The following NPY2R variants were observed in gnomAD, a reference collection of about 807,000 sequenced individuals.
The protein encoded by NPY2R is neuropeptide Y receptor type 2.
NPY2R carries 17 observed loss-of-function variants against 22.3 expected under a neutral mutation model. That is an observed-to-expected ratio of 0.76 (90% CI 0.52 to 1.14). The LOEUF (loss-of-function observed/expected upper bound fraction) is 1.14, where lower values mean the gene tolerates loss of function less well. Ranked by LOEUF, NPY2R falls within the 50% of genes most tolerant of loss-of-function variation. The pLI is 0.00. For synonymous variants in NPY2R, 209 were observed against 183.4 expected (o/e 1.14, Z -1.13); for missense variants, 424 against 467.9 (o/e 0.91, Z 0.87).
At chr4:155,193,133 T>C in the NPY2R span, among the ~76,000 whole-genome samples, 1 of 151,922 alleles carries the variant, frequency 6.6e-6, no homozygotes, top group Non-Finnish European at 1.5e-5. Flanking sequence ...ATAGCCAATA[T>C]TTTTTGAGAG....
At position 155,215,148 on chromosome 4, in the gene NPY2R, C is replaced by A. The variant is rs553777923; in HGVS notation, c.*63C>A. ...CCAGAGCTATGAATCTGGTTGATGG[C>A]GGCTCACAAGTGAAAACTGATTTCC... On this transcript the variant is annotated 3_prime_UTR_variant, in exon 2 of 2. Coordinates refer to ENST00000329476, the MANE Select transcript of NPY2R (RefSeq NM_000910.4). 13 of 1,443,854 alleles carry A rather than the reference C, an allele frequency of 9.0e-6. No individual in the cohort carries two copies. In the African/African-American group the frequency reaches 1.3e-4, roughly 14 times the overall value. The allele number at this position is 1,443,854 out of a possible 1,614,324, so 89.4% of individuals were successfully genotyped here. A position where few individuals can be genotyped will look rare whatever the true frequency, so the allele number is the denominator to read the frequency against.
At chr4:155,199,744 C>T in the NPY2R span, among the ~76,000 whole-genome samples, 2 of 151,994 alleles carry the variant, frequency 1.3e-5, no homozygotes, top group Non-Finnish European at 2.9e-5. Context: ...TGGACAAAAA[C>T]AAGCTATGGG....
the NPY2R span, among the ~76,000 whole-genome samples, chr4:155,196,273 T>G: frequency 3.3e-5 from 5 of 152,064 alleles, no homozygotes; most frequent in East Asian, 9.7e-4. Flanking sequence ...ATGAATTACC[T>G]TAGAGGCTTT....
chr4:155,213,688 C>A (rs112509723), intron 1 of NPY2R, among the ~76,000 whole-genome samples: 2 of 152,172 alleles, frequency 1.3e-5, no homozygotes, highest in African/African-American at 4.8e-5. Flanking sequence ...TTTAATTGAT[C>A]CATATTTGAC....
chr4:155,187,551 T>TGAGA, the NPY2R span, among the ~76,000 whole-genome samples: 9 of 149,498 alleles, frequency 6.0e-5, no homozygotes, highest in East Asian at 2.0e-4. Flanking sequence ...AGGAGCAGCG[T>TGAGA]GAGAGAGAGA....
At chr4:155,197,905 T>C in the NPY2R span, among the ~76,000 whole-genome samples, 2 of 151,820 alleles carry the variant, frequency 1.3e-5, no homozygotes, top group Non-Finnish European at 2.9e-5. Flanking sequence ...TACATACTAA[T>C]GAGATATATG....
intron 1 of NPY2R, among the ~76,000 whole-genome samples, chr4:155,212,586 C>T (rs1729428312): frequency 6.6e-6 from 1 of 152,022 alleles, no homozygotes; most frequent in South Asian, 2.1e-4. Context: ...CCACCCCTGG[C>T]ATTGAGTAGA....
chr4:155,190,411 T>C, the NPY2R span, among the ~76,000 whole-genome samples: 1 of 151,910 alleles, frequency 6.6e-6, no homozygotes, highest in Non-Finnish European at 1.5e-5. Context: ...AAATAAATGA[T>C]CAACCACTCA....
chr4:155,206,069 T>G (rs1346381851), upstream of NPY2R, among the ~76,000 whole-genome samples: 1 of 152,200 alleles, frequency 6.6e-6, no homozygotes. Context: ...TTTTGTGCTC[T>G]TCAAGGTGTT....
Position 155,216,355 on chromosome 4 carries a change from T to G in NPY2R, c.*1270T>G, listed in dbSNP as rs1474463090. On this transcript the variant is annotated 3_prime_UTR_variant, in exon 2 of 2. Coordinates refer to ENST00000329476, the MANE Select transcript of NPY2R (RefSeq NM_000910.4). ...TTATTTAATTATATTATGAATAAAATTGTTATTTCAATAGTACCCAACCAA... is the reference window on the plus strand; with the variant it reads ...TTATTTAATTATATTATGAATAAAAGTGTTATTTCAATAGTACCCAACCAA... The G allele has an allele frequency of 6.0e-6, 1 of 166,752 alleles. No individual in the cohort carries two copies. Among genetic ancestry groups the G allele is most frequent in the Non-Finnish European group, 1.5e-5 (1 of 68,032 alleles). The allele number at this position is 166,752 out of a possible 1,614,324, so 10.3% of individuals were successfully genotyped here.
Position 155,217,018 on chromosome 4 carries a change from T to C in NPY2R, c.*1933T>C, listed in dbSNP as rs1417756852. ...TTATCCAATTCATTATGTCAATTCATTAATAAAATACCTTTTATGTAGAGG... is the reference window on the plus strand; with the variant it reads ...TTATCCAATTCATTATGTCAATTCACTAATAAAATACCTTTTATGTAGAGG... On this transcript the variant is annotated 3_prime_UTR_variant, in exon 2 of 2. Coordinates refer to ENST00000329476, the MANE Select transcript of NPY2R (RefSeq NM_000910.4). The C allele has an allele frequency of 6.0e-6, 1 of 166,834 alleles. No individual in the cohort carries two copies. Among genetic ancestry groups the C allele is most frequent in the Non-Finnish European group, 1.5e-5 (1 of 68,124 alleles). 10.3% of individuals were successfully genotyped at this position (166,834 alleles called of 1,614,324 possible).
At chr4:155,197,648 T>C in the NPY2R span, among the ~76,000 whole-genome samples, 6 of 152,136 alleles carry the variant, frequency 3.9e-5, no homozygotes, top group South Asian at 1.0e-3. Context: ...TAATAGTAAC[T>C]TTCACTGAAA....
chr4:155,199,765 C>T, the NPY2R span, among the ~76,000 whole-genome samples: 5 of 152,188 alleles, frequency 3.3e-5, no homozygotes, highest in South Asian at 2.1e-4. Flanking sequence ...GAAAGGTTTC[C>T]TTATTTAATA....
the NPY2R span, among the ~76,000 whole-genome samples, chr4:155,199,911 A>G: frequency 5.3e-5 from 8 of 152,148 alleles, no homozygotes; most frequent in Admixed American, 3.9e-4. Flanking sequence ...TAAAAATCCT[A>G]GAGAAAATCT....
At chr4:155,176,322 A>G in the NPY2R span, among the ~76,000 whole-genome samples, 5,863 of 151,668 alleles carry the variant, frequency 0.039, 377 homozygotes, top group African/African-American at 0.13. Flanking sequence ...CACGAACACC[A>G]GCAGCCCTGC....
the NPY2R span, among the ~76,000 whole-genome samples, chr4:155,202,372 TA>T: frequency 6.6e-6 from 1 of 152,178 alleles, no homozygotes; most frequent in Non-Finnish European, 1.5e-5. Context: ...TCAATCTGTT[TA>T]ATGTATTTCT....
upstream of NPY2R, among the ~76,000 whole-genome samples, chr4:155,205,491 AC>A (rs1471785421): frequency 2.0e-5 from 3 of 152,282 alleles, no homozygotes; most frequent in East Asian, 3.9e-4. Flanking sequence ...ATATTATTGA[AC>A]TTTTTTAATG....
At position 155,216,090 on chromosome 4, in the gene NPY2R, T is replaced by C. The variant is rs1475870896; in HGVS notation, c.*1005T>C. On this transcript the variant is annotated 3_prime_UTR_variant, in exon 2 of 2. Transcript: ENST00000329476. ...ACTGCAGTGTTATTTTCTTTGAAATTCATCCTCCACGGACCCATTCATACT... is the reference window on the plus strand; with the variant it reads ...ACTGCAGTGTTATTTTCTTTGAAATCCATCCTCCACGGACCCATTCATACT... The C allele has an allele frequency of 6.0e-6, 1 of 167,110 alleles. No individual in the cohort carries two copies. The highest frequency in any genetic ancestry group is 2.1e-4 in the South Asian group (1 of 4,824). 10.4% of individuals were successfully genotyped at this position (167,110 alleles called of 1,614,324 possible). A position where few individuals can be genotyped will look rare whatever the true frequency, so the allele number is the denominator to read the frequency against.
upstream of NPY2R, among the ~76,000 whole-genome samples, chr4:155,205,125 CAACTCAA>C (rs1264923467): frequency 6.6e-6 from 1 of 152,190 alleles, no homozygotes; most frequent in African/African-American, 2.4e-5. Context: ...AAATTAACTA[CAACTCAA>C]TAAAATTTAA....
Sources: gnomAD v4.1 joint callset for allele counts (sites outside exome capture counted in the v4.1 genomes callset) on GRCh38, gnomAD v4.1.1 for gene constraint, MANE v1.5 for transcripts, NCBI Gene and HGNC (gene_info 2026-07-23, HGNC 2026-07-21) for gene names.